The following IMPG1 variants were observed in gnomAD, a reference collection of about 807,000 sequenced individuals.
IMPG1 encodes the protein interphotoreceptor matrix proteoglycan 1.
In IMPG1, 85 loss-of-function variants were observed where a neutral mutation model predicts 92.0. The observed-to-expected ratio is 0.92, with a 90% CI of 0.78 to 1.11. The LOEUF (loss-of-function observed/expected upper bound fraction) is 1.11. Ranked by LOEUF, IMPG1 falls within the 50% of genes least tolerant of loss-of-function variation. IMPG1 has a pLI of 0.00. For missense variants in IMPG1, 1,022 were observed against 956.0 expected (o/e 1.07, Z -0.91); for synonymous variants, 367 against 334.1 (o/e 1.10, Z -1.08).
At chr6:75,963,457 TTTTTA>T (rs3076952) in intron 12 of IMPG1, among the ~76,000 whole-genome samples, 48,385 of 151,714 alleles carry the variant, frequency 0.32, 7,690 homozygotes, top group Admixed American at 0.4. Context: ...AAAATTAAAC[TTTTTA>T]TTTTGAGATA....
In IMPG1 at chr6:76,065,258, C is replaced by T. The variant is rs1406277482; in HGVS notation, c.67+7164G>A. Among the ~76,000 whole-genome samples the T allele has an allele frequency of 2.6e-5, 4 of 151,746 alleles. No homozygotes were observed. In the East Asian group the frequency reaches 7.7e-4, roughly 29 times the overall value. The stretch of plus-strand genomic sequence containing the variant: ...TAACCAAAATGAAATCTTTGAAATA[C>T]CAGATAAAGAAGTCAAAATATTAAT... On this transcript the variant is annotated intron_variant, in intron 1 of 16. Coordinates refer to ENST00000369950, the MANE Select transcript of IMPG1 (RefSeq NM_001563.4).
At chr6:75,975,551 A>C (rs1219303463) in intron 12 of IMPG1, among the ~76,000 whole-genome samples, 1 of 152,232 alleles carries the variant, frequency 6.6e-6, no homozygotes, top group African/African-American at 2.4e-5. Context: ...AAACTATAAA[A>C]AGCTAATGGT....
At chr6:75,974,393 T>TGC (rs1562354842) in intron 12 of IMPG1, among the ~76,000 whole-genome samples, 13 of 65,028 alleles carry the variant, frequency 2.0e-4, no homozygotes, top group African/African-American at 7.0e-4. Flanking sequence ...CTTTCTTTCT[T>TGC]TTCTTTCTTT....
intron 15 of IMPG1, among the ~76,000 whole-genome samples, chr6:75,927,196 G>A (rs1326144737): frequency 2.0e-5 from 3 of 152,032 alleles, no homozygotes; most frequent in African/African-American, 7.2e-5. Context: ...ACACTGAGGG[G>A]CATCTAATTT....
chr6:76,045,169 A>G (rs1354404473), intron 1 of IMPG1, among the ~76,000 whole-genome samples: 2 of 152,202 alleles, frequency 1.3e-5, no homozygotes, highest in African/African-American at 4.8e-5. Context: ...TTATAAGGTC[A>G]CCCAGTTTTA....
In IMPG1 at chr6:76,014,880, A is replaced by C. The variant is rs1783257312; in HGVS notation, c.808-3656T>G. On this transcript the variant is annotated intron_variant, in intron 7 of 16. Transcript: ENST00000369950. ...CTCTTTGTGAACCTATCTGGGATTG[A>C]TTAAGAGTCAGCTTTGTTTAGGAGT... Among the ~76,000 whole-genome samples, 3 of 152,292 alleles carry C rather than the reference A, an allele frequency of 2.0e-5. No homozygotes were observed. In the South Asian group the frequency reaches 6.2e-4, roughly 32 times the overall value.
intron 4 of IMPG1, among the ~76,000 whole-genome samples, chr6:76,030,897 G>A (rs1321990627): frequency 6.6e-6 from 1 of 152,188 alleles, no homozygotes; most frequent in African/African-American, 2.4e-5. Context: ...CCTGTCCACT[G>A]GGGTAGAGCC....
intron 1 of IMPG1, among the ~76,000 whole-genome samples, chr6:76,057,626 G>T (rs1038623506): frequency 6.6e-6 from 1 of 152,102 alleles, no homozygotes; most frequent in Non-Finnish European, 1.5e-5. Flanking sequence ...CCTCTTAAGG[G>T]TATTGCATTT....
chr6:75,966,264 TA>T (rs1404540627), intron 12 of IMPG1, among the ~76,000 whole-genome samples: 1 of 152,188 alleles, frequency 6.6e-6, no homozygotes, highest in African/African-American at 2.4e-5. Flanking sequence ...TTTTATTTAT[TA>T]AAAAACATTA....
chr6:75,950,952 C>G lies in IMPG1; in HGVS notation c.1434G>C (p.Gly478=), dbSNP rs200699995. ...MATDQTMLVP[G]LTIPTSDYSA... ...AATAATCACTGGTGGGGATGGTGAG[C>G]CCTGGTACTAGCATTGTCTGGTCAG... The change falls in exon 13 of 17, where the codon GGG becomes GGC. Residue 478 remains glycine (G), a synonymous_variant. Coordinates refer to ENST00000369950, the MANE Select transcript of IMPG1 (RefSeq NM_001563.4). 7 of 1,613,790 alleles carry G rather than the reference C, an allele frequency of 4.3e-6. No homozygotes were observed. Among genetic ancestry groups the G allele is most frequent in the Non-Finnish European group, 5.9e-6 (7 of 1,179,946 alleles).
At chr6:76,027,768 TA>T (rs1284702998) in intron 4 of IMPG1, among the ~76,000 whole-genome samples, 1 of 152,224 alleles carries the variant, frequency 6.6e-6, no homozygotes, top group East Asian at 1.9e-4. Flanking sequence ...GCAAAATTTG[TA>T]AAGGGTTATA....
intron 12 of IMPG1, among the ~76,000 whole-genome samples, chr6:75,969,339 A>C (rs1782363578): frequency 6.6e-6 from 1 of 152,224 alleles, no homozygotes; most frequent in South Asian, 2.1e-4. Context: ...AGTATGTGAG[A>C]TAATTCATAC....
chr6:76,018,867 A>T lies in IMPG1; in HGVS notation c.667-9T>A, dbSNP rs578141637. 81 of 178,138 alleles carry T rather than the reference A, an allele frequency of 4.5e-4. No homozygotes were observed. Among genetic ancestry groups the T allele is most frequent in the South Asian group, 1.3e-3 (7 of 5,386 alleles). The allele number at this position is 178,138 out of a possible 1,614,324, so 11.0% of individuals were successfully genotyped here. A position where few individuals can be genotyped will look rare whatever the true frequency, so the allele number is the denominator to read the frequency against. On this transcript the variant is annotated splice_polypyrimidine_tract_variant and intron_variant, in intron 6 of 16. Coordinates refer to ENST00000369950, the MANE Select transcript of IMPG1 (RefSeq NM_001563.4). ...AATTCTGTTTCTCTTTCCTGAGTTT[A>T]AAAAAAAAAAAAAGGACTTCTGTTA...
At chr6:76,014,205 A>G (rs1783242989) in intron 7 of IMPG1, among the ~76,000 whole-genome samples, 2 of 152,190 alleles carry the variant, frequency 1.3e-5, no homozygotes, top group Non-Finnish European at 2.9e-5. Flanking sequence ...TGTATTATTT[A>G]CTTTCTTATT....
intron 12 of IMPG1, among the ~76,000 whole-genome samples, chr6:75,983,357 G>A (rs1782660479): frequency 2.0e-5 from 3 of 152,042 alleles, no homozygotes; most frequent in Admixed American, 2.0e-4. Context: ...AAAATAGCAT[G>A]GTACTGGCAT....
intron 11 of IMPG1, among the ~76,000 whole-genome samples, chr6:76,003,320 A>C (rs1356989626): frequency 6.6e-6 from 1 of 152,208 alleles, no homozygotes; most frequent in African/African-American, 2.4e-5. Flanking sequence ...CTTAGTCAGC[A>C]CTTCTATTTA....
chr6:75,983,995 T>C (rs1417994370), intron 12 of IMPG1, among the ~76,000 whole-genome samples: 1 of 152,032 alleles, frequency 6.6e-6, no homozygotes, highest in Non-Finnish European at 1.5e-5. Flanking sequence ...AGCAGGGAAA[T>C]GCAAATTAAA....
chr6:75,985,461 CAG>C (rs1447849280), intron 12 of IMPG1, among the ~76,000 whole-genome samples: 1 of 152,106 alleles, frequency 6.6e-6, no homozygotes, highest in South Asian at 2.1e-4. Context: ...TAACTTTAAA[CAG>C]ATTGGCTGAG....
At chr6:76,029,107 T>G (rs1027476049) in intron 4 of IMPG1, among the ~76,000 whole-genome samples, 1 of 152,258 alleles carries the variant, frequency 6.6e-6, no homozygotes, top group African/African-American at 2.4e-5. Flanking sequence ...GAAACTGGCC[T>G]AATACCCTTG....
Sources: gnomAD v4.1 joint callset for allele counts (sites outside exome capture counted in the v4.1 genomes callset) on GRCh38, gnomAD v4.1.1 for gene constraint, MANE v1.5 for transcripts, NCBI Gene and HGNC (gene_info 2026-07-23, HGNC 2026-07-21) for gene names.